The following LINGO2 variants were observed in gnomAD, a reference collection of about 807,000 sequenced individuals.
LINGO2 encodes the protein leucine-rich repeat and immunoglobulin-like domain-containing nogo receptor-interacting protein 2.
A neutral mutation model predicts 30.6 loss-of-function variants in LINGO2; 14 were observed. The observed-to-expected ratio is 0.46, with a 90% confidence interval of 0.30 to 0.72. The LOEUF is 0.72. LINGO2 is among the 30% of genes least tolerant of loss of function. LINGO2 has a pLI of 0.07. For missense variants in LINGO2, 729 were observed against 751.7 expected, an observed-to-expected ratio of 0.97 and a Z score of 0.35; for synonymous variants, 317 against 288.5, an observed-to-expected ratio of 1.10 and a Z score of -1.00.
At chr9:28,939,013 G>A in the LINGO2 span, among the ~76,000 whole-genome samples, 1 of 152,110 alleles carries the variant, frequency 6.6e-6, no homozygotes, top group African/African-American at 2.4e-5. Context: ...CCAATTTAAT[G>A]AACTTTACTT....
chr9:28,841,503 A>C, the LINGO2 span, among the ~76,000 whole-genome samples: 2 of 151,886 alleles, frequency 1.3e-5, no homozygotes, highest in African/African-American at 2.4e-5. Flanking sequence ...ATATTTAATG[A>C]ACAAAACAGA....
At chr9:29,146,599 T>G in the LINGO2 span, among the ~76,000 whole-genome samples, 3 of 152,158 alleles carry the variant, frequency 2.0e-5, no homozygotes, top group Admixed American at 1.3e-4. Flanking sequence ...AACTACTGAG[T>G]TTTTAAACAT....
At chr9:28,886,164 G>A in the LINGO2 span, among the ~76,000 whole-genome samples, 2 of 152,024 alleles carry the variant, frequency 1.3e-5, no homozygotes, top group Non-Finnish European at 2.9e-5. Context: ...TCAGTGTACT[G>A]ACATGCCTTT....
the LINGO2 span, among the ~76,000 whole-genome samples, chr9:28,752,180 G>A: frequency 2.0e-5 from 3 of 151,910 alleles, 1 homozygote; most frequent in African/African-American, 7.3e-5. Flanking sequence ...TGGAAACATT[G>A]TGTAAGTATT....
chr9:28,132,614 A>C (rs1284919857), intron 4 of LINGO2, among the ~76,000 whole-genome samples: 1 of 152,190 alleles, frequency 6.6e-6, no homozygotes, highest in African/African-American at 2.4e-5. Context: ...AAATCTAGTA[A>C]CTGCTTTATA....
the LINGO2 span, among the ~76,000 whole-genome samples, chr9:29,077,260 T>TA: frequency 6.6e-6 from 1 of 151,322 alleles, no homozygotes; most frequent in African/African-American, 2.4e-5. Context: ...ATCTATACTT[T>TA]AAAAAAAAAG....
the LINGO2 span, among the ~76,000 whole-genome samples, chr9:28,767,933 G>A: frequency 3.9e-5 from 6 of 152,036 alleles, no homozygotes; most frequent in Non-Finnish European, 5.9e-5. Context: ...GGATGGTGTC[G>A]TGTTTTTCCA....
chr9:28,179,814 C>T (rs187695698), intron 4 of LINGO2, among the ~76,000 whole-genome samples: 3 of 151,222 alleles, frequency 2.0e-5, no homozygotes, highest in Admixed American at 1.3e-4. Flanking sequence ...CTCTTTCTCA[C>T]TTTTTTCCTC....
intron 4 of LINGO2, among the ~76,000 whole-genome samples, chr9:28,066,030 T>C: frequency 6.6e-6 from 1 of 152,078 alleles, no homozygotes; most frequent in South Asian, 2.1e-4. Context: ...CTGTGGCTCC[T>C]GTATGCCAAA....
At chr9:28,022,788 C>A (rs1348514377) in intron 4 of LINGO2, among the ~76,000 whole-genome samples, 1 of 151,638 alleles carries the variant, frequency 6.6e-6, no homozygotes, top group Non-Finnish European at 1.5e-5. Context: ...CTTCTGTTTT[C>A]TCTTCTCCTT....
the LINGO2 span, among the ~76,000 whole-genome samples, chr9:28,938,823 G>T: frequency 2.6e-5 from 4 of 152,034 alleles, no homozygotes; most frequent in Non-Finnish European, 4.4e-5. Context: ...AGTGATATAC[G>T]ATCACACTGT....
intron 4 of LINGO2, among the ~76,000 whole-genome samples, chr9:28,136,531 G>A (rs1827522630): frequency 6.6e-6 from 1 of 152,164 alleles, no homozygotes; most frequent in South Asian, 2.1e-4. Flanking sequence ...TCACTTTTCT[G>A]TTTTCCCACT....
At chr9:28,658,770 G>T (rs1003209340) in intron 1 of LINGO2, among the ~76,000 whole-genome samples, 1 of 152,002 alleles carries the variant, frequency 6.6e-6, no homozygotes, top group African/African-American at 2.4e-5. Flanking sequence ...AGTAATCACA[G>T]CAATAGAAAA....
At chr9:28,865,748 C>A in the LINGO2 span, among the ~76,000 whole-genome samples, 4 of 152,108 alleles carry the variant, frequency 2.6e-5, no homozygotes, top group African/African-American at 9.7e-5. Context: ...CGTGCCACTG[C>A]GCTCCAGCCT....
At chr9:29,063,463 C>T in the LINGO2 span, among the ~76,000 whole-genome samples, 4 of 150,332 alleles carry the variant, frequency 2.7e-5, no homozygotes, top group African/African-American at 7.4e-5. Context: ...AGTGCAGTGG[C>T]GCAATCTAGG....
intron 1 of LINGO2, among the ~76,000 whole-genome samples, chr9:28,632,666 T>A (rs1252703246): frequency 6.3e-5 from 7 of 111,938 alleles, no homozygotes; most frequent in Non-Finnish European, 1.2e-4. Flanking sequence ...TTTATCTATA[T>A]AAAATATCTA....
chr9:28,366,240 G>C (rs1174234867), intron 3 of LINGO2, among the ~76,000 whole-genome samples: 1 of 152,092 alleles, frequency 6.6e-6, no homozygotes, highest in Non-Finnish European at 1.5e-5. Context: ...AGAAATGAAG[G>C]ACTTGGAACA....
the LINGO2 span, among the ~76,000 whole-genome samples, chr9:28,869,566 A>G: frequency 3.3e-5 from 5 of 152,152 alleles, no homozygotes; most frequent in African/African-American, 1.2e-4. Flanking sequence ...AATAGCAAGC[A>G]GGAAGAAAAA....
At chr9:29,015,120 T>C in the LINGO2 span, among the ~76,000 whole-genome samples, 1 of 151,716 alleles carries the variant, frequency 6.6e-6, no homozygotes, top group East Asian at 1.9e-4. Flanking sequence ...GGACATAGAG[T>C]GTGGAGTGAT....
Sources: gnomAD v4.1 joint callset for allele counts (sites outside exome capture counted in the v4.1 genomes callset) on GRCh38, gnomAD v4.1.1 for gene constraint, MANE v1.5 for transcripts, NCBI Gene and HGNC (gene_info 2026-07-23, HGNC 2026-07-21) for gene names.